Variants in CUL7 observed in about 807,000 individuals in gnomAD.
CUL7 encodes cullin 7, also known as cullin-7.
CUL7 carries 96 observed loss-of-function variants against 177.7 expected under a neutral mutation model. The observed-to-expected ratio is 0.54, with a 90% CI of 0.46 to 0.64. The LOEUF is 0.64. CUL7 is among the 30% of genes least tolerant of loss of function. CUL7 has a pLI of 0.00. For missense variants in CUL7, 1,893 were observed against 2,187.9 expected (o/e 0.87, Z 2.69); for synonymous variants, 824 against 890.2 (o/e 0.93, Z 1.32).
Position 43,046,232 on chromosome 6 carries a change from T to C in CUL7, c.2660+4A>G. The C allele has an allele frequency of 6.2e-7, 1 of 1,613,750 alleles. No homozygotes were observed. The highest frequency in any genetic ancestry group is 2.2e-5 in the East Asian group (1 of 44,846). The stretch of plus-strand genomic sequence containing the variant: ...GTGGCAAAGCACATGTGTGGGAGAG[T>C]TACCTGATGAGGATGCCCCGGCGCA... On this transcript the variant is annotated splice_donor_region_variant and intron_variant, in intron 12 of 25. Transcript: ENST00000265348.
rs1763075812 is a variant in CUL7, at chr6:43,037,833, G to A, written c.4952C>T (p.Thr1651Ile). ...GGACTCAGTGTGAGGCTCCATGACA[G>A]TCACAGGGACTGCATAGGACAGCAC... The part of the protein sequence containing the change: ...PQVLSYAVPV[T>I]VMEPHTESLN... Residue 1651 changes from threonine to isoleucine, a missense_variant, in exon 26 of 26, where the codon ACT becomes ATT. By Grantham distance (89) the Thr-to-Ile change is moderately conservative (BLOSUM62 -1). Coordinates refer to ENST00000265348, the MANE Select transcript of CUL7 (RefSeq NM_014780.5). The A allele has an allele frequency of 1.2e-6, 2 of 1,612,406 alleles. No individual in the cohort carries two copies. The highest frequency in any genetic ancestry group is 2.7e-5 in the African/African-American group (2 of 74,882).
intron 7 of CUL7, 43 bp downstream of exon 7, chr6:43,049,364 G>T (rs777159996): frequency 6.2e-7 from 1 of 1,613,486 alleles, no homozygotes; most frequent in South Asian, 1.1e-5. Flanking sequence ...CTGTGCTACT[G>T]CCCTGAAGGT....
Position 43,044,767 on chromosome 6 carries a change from T to G in CUL7, c.3157A>C (p.Asn1053His), listed in dbSNP as rs369632147. 6.2e-7 allele frequency: 1 copy of G among 1,611,330 alleles called. No homozygotes were observed. ...GGATGGTTACCAGGGGAGGTGATGTTCTGCACCACGGGGCTGACCAGGGCC... is the reference window on the plus strand; with the variant it reads ...GGATGGTTACCAGGGGAGGTGATGTGCTGCACCACGGGGCTGACCAGGGCC... ...WEALVSPVVQ[N>H]ITSPDEDGIS... is the part of the protein sequence containing the mutation. Residue 1053 changes from asparagine (N) to histidine (H), a missense_variant, in exon 16 of 26, where the codon AAC (asparagine) becomes CAC (histidine). Transcript: ENST00000265348.
chr6:43,038,278 G>T lies in CUL7; in HGVS notation c.4762C>A (p.Leu1588Ile), dbSNP rs147493246. The change falls in exon 25 of 26, where the codon CTT becomes ATT. Residue 1588 changes from leucine (L) to isoleucine (I), a missense_variant. By Grantham distance (5) the Leu-to-Ile change is conservative (BLOSUM62 2). Transcript: ENST00000265348. ...HGDEGLHIDQLVCLVLEAWQK... is the reference protein window; with the variant it reads ...HGDEGLHIDQIVCLVLEAWQK... ...CCACCCCTGCCTACCAGACAGACAA[G>T]CTGGTCAATGTGCAGCCCCTCATCT... is the stretch of plus-strand genomic sequence containing the variant. 8.5e-3 allele frequency: 13,767 copies of T among 1,614,146 alleles called. 71 individuals carry two copies. The highest frequency in any genetic ancestry group is 9.7e-3 in the Non-Finnish European group (11,400 of 1,180,014).
At chr6:43,047,129 G>A (rs774163716) in intron 9 of CUL7, 22 bp from the exon 10 acceptor site, 2 of 1,435,290 alleles carry the variant, frequency 1.4e-6, no homozygotes, top group Non-Finnish European at 2.0e-6. Context: ...CATAAGGGAG[G>A]AGATGAATGA....
At chr6:43,042,677 AC>A (rs1438163159) in intron 19 of CUL7, 124 bp downstream of exon 19, 2 of 694,780 alleles carry the variant, frequency 2.9e-6, no homozygotes, top group East Asian at 2.7e-5. Flanking sequence ...ACTTCTTATA[AC>A]ATGGCTATAT....
rs777786794 is a variant in CUL7, at chr6:43,045,333, G to A, written c.2932C>T (p.Arg978Trp). 60 of 1,614,070 alleles carry A rather than the reference G, an allele frequency of 3.7e-5. No individual in the cohort carries two copies. The highest frequency in any genetic ancestry group is 4.1e-5 in the Non-Finnish European group (48 of 1,180,046). Residue 978 changes from arginine to tryptophan, a missense_variant, in exon 15 of 26, where the codon CGG (arginine) becomes TGG (tryptophan). This residue lies in a region of CUL7 where 973 missense variants were observed against 1,140.9 expected (regional missense o/e 0.85). Transcript: ENST00000265348. The surrounding 1 kb of genome is among the most constrained non-coding windows in gnomAD (Gnocchi z 4.8). Reference protein sequence around the residue: ...GPKPTFWPVFREQLCRHTRLF... With the variant: ...GPKPTFWPVFWEQLCRHTRLF... Reference sequence around the variant, plus strand: ...CGTGTGTGACGACAGAGCTGCTCCCGGAACACTGGCCAGAACGTGGGCTTG... The same window carrying A: ...CGTGTGTGACGACAGAGCTGCTCCCAGAACACTGGCCAGAACGTGGGCTTG...
chr6:43,052,416 G>C lies in CUL7; in HGVS notation c.373C>G (p.Leu125Val), dbSNP rs144842508. Reference protein sequence around the residue: ...KSLIQRALRQLEECVGTIPPA... With the variant: ...KSLIQRALRQVEECVGTIPPA... ...GGGATAGTGCCCACACACTCCTCCAGCTGCCGAAGGGCTCTCTGAATGAGG... is the reference window on the plus strand; with the variant it reads ...GGGATAGTGCCCACACACTCCTCCACCTGCCGAAGGGCTCTCTGAATGAGG... The change falls in exon 2 of 26, where the codon CTG becomes GTG. Residue 125 changes from leucine (L) to valine (V), a missense_variant. Leu to Val is a conservative substitution (Grantham distance 32). This residue lies in a region of CUL7 where 653 missense variants were observed against 725.2 expected (regional missense o/e 0.90). Transcript: ENST00000265348. This position sits in a 1 kb window ranked among gnomAD's most constrained non-coding sequence, Gnocchi z 4.5. 3.3e-5 allele frequency: 54 copies of C among 1,614,104 alleles called. No individual in the cohort carries two copies. In the African/African-American group the frequency reaches 6.7e-4, roughly 20 times the overall value.
At position 43,037,631 on chromosome 6, in the gene CUL7, T is replaced by C. The variant is rs565386041; in HGVS notation, c.*57A>G. 367 of 1,454,592 alleles carry C rather than the reference T, an allele frequency of 2.5e-4. 2 individuals are homozygous for C. The highest frequency in any genetic ancestry group is 1.4e-3 in the Middle Eastern group (8 of 5,720). 90.1% of individuals were successfully genotyped at this position (1,454,592 alleles called of 1,614,324 possible). Reference sequence around the variant, plus strand: ...CACACACGTCATATAATCAAACTCTTGGGTTTTATTTCTGTAAAAGCTCCA... The same window carrying C: ...CACACACGTCATATAATCAAACTCTCGGGTTTTATTTCTGTAAAAGCTCCA... On this transcript the variant is annotated 3_prime_UTR_variant, in exon 26 of 26. Transcript: ENST00000265348.
At position 43,050,926 on chromosome 6, in the gene CUL7, A is replaced by C; in HGVS notation, c.1233+42T>G. The C allele has an allele frequency of 1.2e-6, 2 of 1,611,048 alleles. No homozygotes were observed. The highest frequency in any genetic ancestry group is 1.7e-6 in the Non-Finnish European group (2 of 1,179,662). Reference sequence around the variant, plus strand: ...AGAAGTCCCAGCTCTGCCCTACCCCAAATAGACCCCCAACAGTATCCCACC... The same window carrying C: ...AGAAGTCCCAGCTCTGCCCTACCCCCAATAGACCCCCAACAGTATCCCACC... On this transcript the variant is annotated intron_variant, in intron 4 of 25. Transcript: ENST00000265348. This position sits in a 1 kb window ranked among gnomAD's most constrained non-coding sequence, Gnocchi z 4.1.
chr6:43,052,242 G>A lies in CUL7; in HGVS notation c.547C>T (p.Arg183Trp), dbSNP rs754739961. ...PDYQIRWSAG[R>W]MIQALSSHDA... ...TGGGAGGACAGGGCTTGTATCATCCGGCCTGCACTCCAGCGAATCTGATAA... is the reference window on the plus strand; with the variant it reads ...TGGGAGGACAGGGCTTGTATCATCCAGCCTGCACTCCAGCGAATCTGATAA... Residue 183 changes from arginine to tryptophan, a missense_variant, in exon 2 of 26, where the codon CGG (arginine) becomes TGG (tryptophan). This residue lies in a region of CUL7 where 653 missense variants were observed against 725.2 expected (regional missense o/e 0.90). Transcript: ENST00000265348. The surrounding 1 kb of genome is among the most constrained non-coding windows in gnomAD (Gnocchi z 4.5). 1.9e-5 allele frequency: 31 copies of A among 1,614,056 alleles called. No homozygotes were observed. The highest frequency in any genetic ancestry group is 1.8e-4 in the South Asian group (16 of 91,090).
At position 43,040,951 on chromosome 6, in the gene CUL7, C is replaced by A; in HGVS notation, c.3770G>T (p.Gly1257Val). 6.2e-7 allele frequency: 1 copy of A among 1,613,372 alleles called. No homozygotes were observed. The highest frequency in any genetic ancestry group is 8.5e-7 in the Non-Finnish European group (1 of 1,179,668). The change falls in exon 20 of 26, where the codon GGC (glycine) becomes GTC (valine). Residue 1257 changes from glycine to valine, a missense_variant. Physicochemically the swap from Gly to Val is moderately radical, Grantham distance 109. Transcript: ENST00000265348. This position sits in a 1 kb window ranked among gnomAD's most constrained non-coding sequence, Gnocchi z 4.2. ...CTCAAAAGTGGTGGCTATCTCCAAG[C>A]CGGAGAAAATCAGGACAGCTTGCAG... is the stretch of plus-strand genomic sequence containing the variant. Reference protein sequence around the residue: ...QCLQAVLIFSGLEIATTFEHY... With the variant: ...QCLQAVLIFSVLEIATTFEHY...
Position 43,042,985 on chromosome 6 carries a change from C to A in CUL7, c.3463-1G>T. ...AGGATGAGGTCAGAAAATTGTTCACCTGGAAGGAAGGGGCAGGAGCATGAA... is the reference window on the plus strand; with the variant it reads ...AGGATGAGGTCAGAAAATTGTTCACATGGAAGGAAGGGGCAGGAGCATGAA... On this transcript the variant is annotated splice_acceptor_variant, in intron 18 of 25. Transcript: ENST00000265348. LOFTEE classifies it high-confidence loss of function. 8 of 1,614,170 alleles carry A rather than the reference C, an allele frequency of 5.0e-6. No individual in the cohort carries two copies. The highest frequency in any genetic ancestry group is 6.8e-6 in the Non-Finnish European group (8 of 1,180,030).
At position 43,044,932 on chromosome 6, in the gene CUL7, T is replaced by C. The variant is rs3749902; in HGVS notation, c.3039-47A>G. 1.0e-3 allele frequency: 1,669 copies of C among 1,602,296 alleles called. 31 individuals carry two copies. In the East Asian group the frequency reaches 0.034, roughly 33 times the overall value. On this transcript the variant is annotated intron_variant, in intron 15 of 25. Transcript: ENST00000265348. Reference sequence around the variant, plus strand: ...GAAGGTGTCAGGGGCTTGAAGCATATGTTATCTCAGTGTCCACCCTTCCTA... The same window carrying C: ...GAAGGTGTCAGGGGCTTGAAGCATACGTTATCTCAGTGTCCACCCTTCCTA...
rs773086065 is a variant in CUL7, at chr6:43,048,265, G to A, written c.2064-12C>T. 1 of 1,608,258 alleles carries A rather than the reference G, an allele frequency of 6.2e-7. No homozygotes were observed. The highest frequency in any genetic ancestry group is 8.5e-7 in the Non-Finnish European group (1 of 1,174,610). On this transcript the variant is annotated splice_polypyrimidine_tract_variant and intron_variant, in intron 8 of 25. Coordinates refer to ENST00000265348, the MANE Select transcript of CUL7 (RefSeq NM_014780.5). Reference sequence around the variant, plus strand: ...GCTGCTTCAGGATTCTGGGGGCAGAGAAATGTGTAGCCAGCCTCATGGACC... The same window carrying A: ...GCTGCTTCAGGATTCTGGGGGCAGAAAAATGTGTAGCCAGCCTCATGGACC...
chr6:43,038,133 G>C, intron 25 of CUL7, 122 bp from the exon 26 acceptor site: 1 of 1,483,916 alleles, frequency 6.7e-7, no homozygotes, highest in South Asian at 1.2e-5. Flanking sequence ...GGTACATCCC[G>C]ACCTCACTCC....
At position 43,045,782 on chromosome 6, in the gene CUL7, G is replaced by A; in HGVS notation, c.2767-100C>T. On this transcript the variant is annotated intron_variant, in intron 13 of 25. Transcript: ENST00000265348. The surrounding 1 kb of genome is among the most constrained non-coding windows in gnomAD (Gnocchi z 4.8). ...TGTTTCCCTCCCTTCCCCAGCCCTG[G>A]GATGTGTAGGGTCCTGACAAAGCTG... 1.5e-6 allele frequency: 2 copies of A among 1,358,502 alleles called. No homozygotes were observed. Among genetic ancestry groups the A allele is most frequent in the Non-Finnish European group, 2.1e-6 (2 of 958,522 alleles). 84.2% of individuals were successfully genotyped at this position (1,358,502 alleles called of 1,614,324 possible). A position where few individuals can be genotyped will look rare whatever the true frequency, so the allele number is the denominator to read the frequency against.
In CUL7 at chr6:43,040,400, C is replaced by G. The variant is rs1339591613; in HGVS notation, c.4050G>C (p.Glu1350Asp). The change falls in exon 22 of 26, where the codon GAG (glutamate) becomes GAC (aspartate). Residue 1350 changes from glutamate (E) to aspartate (D), a missense_variant. Transcript: ENST00000265348. This position sits in a 1 kb window ranked among gnomAD's most constrained non-coding sequence, Gnocchi z 4.2. ...IQVGLGASGK[E>D]HKSEKEEEAG... ...CTTCCTCTTCCTTCTCGCTCTTGTG[C>G]TCCTTGCCACTGGCCCCAAGGCCCA... is the stretch of plus-strand genomic sequence containing the variant. The G allele has an allele frequency of 6.2e-7, 1 of 1,612,928 alleles. No homozygotes were observed. Among genetic ancestry groups the G allele is most frequent in the Admixed American group, 1.7e-5 (1 of 60,020 alleles).
At position 43,048,245 on chromosome 6, in the gene CUL7, T is replaced by C. The variant is rs1387916603; in HGVS notation, c.2072A>G (p.Lys691Arg). The C allele has an allele frequency of 6.2e-7, 1 of 1,613,448 alleles. No individual in the cohort carries two copies. The stretch of plus-strand genomic sequence containing the variant: ...TGCCTCGGGGAAGTCCACCAGCTGC[T>C]TCAGGATTCTGGGGGCAGAGAAATG... ...TLHLTVLRIL[K>R]QLVDFPEALL... is the part of the protein sequence containing the mutation. Residue 691 changes from lysine (K) to arginine (R), a missense_variant, in exon 9 of 26, where the codon AAG becomes AGG. Physicochemically the swap from Lys to Arg is conservative, Grantham distance 26. Transcript: ENST00000265348.
Sources: gnomAD v4.1 joint callset for allele counts on GRCh38, gnomAD v4.1.1 for gene constraint, gnomAD v4.1.1 regional missense constraint, Gnocchi (gnomAD v3.1) non-coding constraint, MANE v1.5 for transcripts, NCBI Gene and HGNC (gene_info 2026-07-23, HGNC 2026-07-21) for gene names.